Variants in KNTC1 observed in about 807,000 individuals in gnomAD.
KNTC1 encodes kinetochore-associated protein 1.
In KNTC1, 253 loss-of-function variants were observed where a neutral mutation model predicts 314.4. The observed-to-expected ratio is 0.80, with a 90% CI of 0.73 to 0.89. The LOEUF is 0.89. KNTC1 is among the 40% of genes least tolerant of loss of function. KNTC1 has a pLI of 0.00. For missense variants in KNTC1, 2,475 were observed against 2,572.9 expected (o/e 0.96, Z 0.82); for synonymous variants, 901 against 901.4 (o/e 1.00, Z 0.01).
intron 33 of KNTC1, among the ~76,000 whole-genome samples, chr12:122,580,921 G>A (rs535049043): frequency 1.3e-3 from 196 of 152,000 alleles, no homozygotes; most frequent in Middle Eastern, 6.8e-3. Context: ...CCAGCTACTC[G>A]GGAGGCCGAG....
At chr12:122,549,017 T>A (rs76173930) in intron 12 of KNTC1, among the ~76,000 whole-genome samples, 1,606 of 152,240 alleles carry the variant, frequency 0.011, 28 homozygotes, top group African/African-American at 0.037. Context: ...TACTTATAAA[T>A]GCTTATTTTT....
intron 20 of KNTC1, among the ~76,000 whole-genome samples, chr12:122,567,616 A>G (rs1964431887): frequency 6.6e-6 from 1 of 152,232 alleles, no homozygotes; most frequent in East Asian, 1.9e-4. Flanking sequence ...AAGTGGGTGG[A>G]TCAGTTGAGG....
intron 59 of KNTC1, among the ~76,000 whole-genome samples, chr12:122,619,412 CTTGTT>C (rs1874159958): frequency 7.1e-6 from 1 of 141,120 alleles, no homozygotes; most frequent in African/African-American, 2.6e-5. Context: ...CCCAGCAACA[CTTGTT>C]TTGTTTTGTT....
chr12:122,535,525 TC>T (rs1343639929), intron 3 of KNTC1, among the ~76,000 whole-genome samples: 1 of 151,972 alleles, frequency 6.6e-6, no homozygotes, highest in Non-Finnish European at 1.5e-5. Context: ...CGCCTATAGT[TC>T]CAGCTACTCG....
At chr12:122,608,950 T>G (rs1260740376) in intron 51 of KNTC1, among the ~76,000 whole-genome samples, 2 of 151,956 alleles carry the variant, frequency 1.3e-5, no homozygotes, top group Non-Finnish European at 2.9e-5. Flanking sequence ...TCCCAGCTAC[T>G]TAGGAGGCTG....
chr12:122,608,477 T>A (rs1872764994), intron 51 of KNTC1, among the ~76,000 whole-genome samples: 1 of 152,168 alleles, frequency 6.6e-6, no homozygotes, highest in Admixed American at 6.5e-5. Context: ...GGCATTTGAT[T>A]CAACAAGGAT....
rs750095011 is a variant in KNTC1 at position 122,544,148 on chromosome 12, T to A, written c.559-11T>A. On this transcript the variant is annotated splice_polypyrimidine_tract_variant and intron_variant, in intron 7 of 63. Coordinates refer to ENST00000333479, the MANE Select transcript of KNTC1 (RefSeq NM_014708.6). ...ATTATATATATGACGTTGTTGTTTT[T>A]AATTTTGCAGTTACAAGGACAAATC... 5.7e-6 allele frequency: 7 copies of A among 1,223,132 alleles called. No individual in the cohort carries two copies. Among genetic ancestry groups the A allele is most frequent in the Non-Finnish European group, 8.2e-6 (7 of 855,686 alleles). The allele number at this position is 1,223,132 out of a possible 1,614,324, so 75.8% of individuals were successfully genotyped here.
At chr12:122,538,303 C>T (rs759642613) in intron 3 of KNTC1, 36 bp from the exon 4 acceptor site, 15 of 1,194,074 alleles carry the variant, frequency 1.3e-5, no homozygotes, top group East Asian at 5.0e-5. Flanking sequence ...TAAAGATTTT[C>T]GAAGGAAGCT....
chr12:122,601,318 C>T (rs573887567), intron 44 of KNTC1, among the ~76,000 whole-genome samples: 1 of 152,154 alleles, frequency 6.6e-6, no homozygotes, highest in South Asian at 2.1e-4. Context: ...ATCTCCTGAC[C>T]TCGTGATCCA....
chr12:122,536,172 G>A (rs1255642417), intron 3 of KNTC1, among the ~76,000 whole-genome samples: 5 of 151,450 alleles, frequency 3.3e-5, no homozygotes, highest in African/African-American at 1.2e-4. Flanking sequence ...CAAAGTGCTG[G>A]GATTATAGGC....
At chr12:122,585,804 T>C in intron 37 of KNTC1, 30 bp downstream of exon 37, 2 of 1,606,744 alleles carry the variant, frequency 1.2e-6, no homozygotes, top group Non-Finnish European at 1.7e-6. Flanking sequence ...TTATTTTCTA[T>C]GTGTTTCTGT....
Position 122,544,231 on chromosome 12 carries a change from G to T in KNTC1, c.631G>T (p.Ala211Ser). Residue 211 changes from alanine (A) to serine (S), a missense_variant, in exon 8 of 64, where the codon GCT becomes TCT. Physicochemically the swap from Ala to Ser is moderately conservative, Grantham distance 99. Transcript: ENST00000333479. ...YHTLGCLSLV[A>S]GDLASEVPVI... ...TACTCTTGGTTGTCTCAGTCTTGTG[G>T]CTGGAGATTTAGCAAGTGAAGTTCC... is the stretch of plus-strand genomic sequence containing the variant. The T allele has an allele frequency of 6.3e-7, 1 of 1,586,052 alleles. No homozygotes were observed. The highest frequency in any genetic ancestry group is 8.5e-7 in the Non-Finnish European group (1 of 1,170,206).
intron 52 of KNTC1, 134 bp downstream of exon 52, chr12:122,609,564 A>G (rs1047352692): frequency 1.7e-6 from 1 of 598,402 alleles, no homozygotes; most frequent in African/African-American, 1.9e-5. Flanking sequence ...GAGATGAATC[A>G]GTTCACTAAT....
At chr12:122,611,092 A>G (rs1873067822) in intron 53 of KNTC1, 192 bp downstream of exon 53, 1 of 589,814 alleles carries the variant, frequency 1.7e-6, no homozygotes, top group Non-Finnish European at 3.0e-6. Flanking sequence ...TGGTCTCTGT[A>G]ACATCTGCTT....
At chr12:122,597,693 A>T (rs1434843799) in intron 43 of KNTC1, 38 bp from the exon 44 acceptor site, 1 of 1,545,884 alleles carries the variant, frequency 6.5e-7, no homozygotes. Context: ...AAATGCCTGC[A>T]GTTTGGGAGA....
intron 7 of KNTC1, 67 bp from the exon 8 acceptor site, chr12:122,544,092 A>T: frequency 6.1e-6 from 4 of 654,872 alleles, no homozygotes; most frequent in South Asian, 2.3e-5. Flanking sequence ...ATATCAACTG[A>T]TTTTAGTGAT....
chr12:122,626,264 T>G lies in KNTC1; in HGVS notation c.*36T>G. ...CTTTTTTTCAAGAAGGACAAGAATT[T>G]TGGAGTCTGCTATTAATGGACCATA... On this transcript the variant is annotated 3_prime_UTR_variant, in exon 64 of 64. Transcript: ENST00000333479. The G allele has an allele frequency of 6.7e-7, 1 of 1,501,438 alleles. No homozygotes were observed. The highest frequency in any genetic ancestry group is 9.2e-7 in the Non-Finnish European group (1 of 1,085,064). 93.0% of individuals were successfully genotyped at this position (1,501,438 alleles called of 1,614,324 possible).
chr12:122,536,052 C>T (rs1961792238), intron 3 of KNTC1, among the ~76,000 whole-genome samples: 1 of 150,342 alleles, frequency 6.7e-6, no homozygotes, highest in Non-Finnish European at 1.5e-5. Context: ...CACCACCATG[C>T]CTGGGCAATT....
At chr12:122,562,958 G>A (rs866686815) in intron 20 of KNTC1, among the ~76,000 whole-genome samples, 11 of 151,508 alleles carry the variant, frequency 7.3e-5, no homozygotes, top group African/African-American at 2.2e-4. Flanking sequence ...GCAGTGAGCC[G>A]AGATCGTGCC....
Sources: gnomAD v4.1 joint callset for allele counts (sites outside exome capture counted in the v4.1 genomes callset) on GRCh38, gnomAD v4.1.1 for gene constraint, MANE v1.5 for transcripts, NCBI Gene and HGNC (gene_info 2026-07-23, HGNC 2026-07-21) for gene names.